DPYD: variants seen among roughly 807,000 people sequenced by gnomAD.
DPYD encodes the protein dihydropyrimidine dehydrogenase [NADP(+)].
A neutral mutation model predicts 116.2 loss-of-function variants in DPYD; 109 were observed. The observed-to-expected ratio is 0.94, with a 90% CI of 0.80 to 1.10. DPYD has a LOEUF of 1.10. DPYD is among the 50% of genes least tolerant of loss of function. DPYD has a pLI of 0.00. For missense variants in DPYD, 1,302 were observed against 1,254.5 expected (o/e 1.04, Z -0.57); for synonymous variants, 440 against 432.0 (o/e 1.02, Z -0.23).
At chr1:97,443,064 A>T (rs1215444911) in intron 14 of DPYD, among the ~76,000 whole-genome samples, 1 of 152,174 alleles carries the variant, frequency 6.6e-6, no homozygotes, top group East Asian at 1.9e-4. Flanking sequence ...GTGTCATAAA[A>T]AGCAAGTCAG....
Position 97,920,995 on chromosome 1 carries a change from A to G in DPYD, c.-73T>C, listed in dbSNP as rs1005510651. The G allele has an allele frequency of 2.5e-5, 38 of 1,537,098 alleles. No homozygotes were observed. Among genetic ancestry groups the G allele is most frequent in the African/African-American group, 9.6e-5 (7 of 72,576 alleles). On this transcript the variant is annotated 5_prime_UTR_variant, in exon 1 of 23. Transcript: ENST00000370192. ...TCCTCAAGCTCCAGCCAGAGAGCCA[A>G]GTGACAGCAGCCGGAGCGCGAGTCG...
chr1:97,372,744 G>GA (rs888763805), intron 16 of DPYD, among the ~76,000 whole-genome samples: 44 of 144,204 alleles, frequency 3.1e-4, no homozygotes, highest in East Asian at 8.0e-4. Flanking sequence ...TGACTTGAGA[G>GA]AAAAAAAAAA....
At chr1:97,373,142 T>C (rs1570612648) in intron 16 of DPYD, among the ~76,000 whole-genome samples, 1 of 152,314 alleles carries the variant, frequency 6.6e-6, no homozygotes, top group South Asian at 2.1e-4. Flanking sequence ...GATCGTATGC[T>C]AAAAAATGTA....
Position 97,594,137 on chromosome 1 carries a change from C to G in DPYD, c.959-750G>C, listed in dbSNP as rs116761260. 7.4e-3 allele frequency among the ~76,000 whole-genome samples: 1,130 copies of G among 152,192 alleles called. 10 individuals carry two copies. The highest frequency in any genetic ancestry group is 0.026 in the African/African-American group (1,065 of 41,540). On this transcript the variant is annotated intron_variant, in intron 9 of 22. Transcript: ENST00000370192. ...CAGTGTATAATAAGATTAAATAAAA[C>G]TGTTTATAAGATCAATTACTATAAT...
intron 13 of DPYD, among the ~76,000 whole-genome samples, chr1:97,459,675 G>T (rs1347868931): frequency 6.6e-6 from 1 of 151,768 alleles, no homozygotes; most frequent in African/African-American, 2.4e-5. Context: ...ATAACTCAAG[G>T]ATAAAGAAAA....
chr1:97,410,182 T>C (rs947917736), intron 14 of DPYD, among the ~76,000 whole-genome samples: 2 of 152,128 alleles, frequency 1.3e-5, no homozygotes, highest in Admixed American at 6.5e-5. Context: ...TTTAATATAT[T>C]TATTGTCTTT....
chr1:97,206,978 G>T (rs183384228), intron 19 of DPYD, among the ~76,000 whole-genome samples: 2 of 151,558 alleles, frequency 1.3e-5, no homozygotes, highest in Admixed American at 1.3e-4. Context: ...CTAAATAACT[G>T]CACAATAGGT....
intron 20 of DPYD, among the ~76,000 whole-genome samples, chr1:97,117,383 T>C (rs1179258453): frequency 2.0e-5 from 3 of 152,204 alleles, no homozygotes; most frequent in East Asian, 3.8e-4. Flanking sequence ...TTCAGAACCA[T>C]ATGCTAAAGC....
At chr1:97,180,206 T>C (rs990698106) in intron 20 of DPYD, among the ~76,000 whole-genome samples, 1 of 152,122 alleles carries the variant, frequency 6.6e-6, no homozygotes, top group African/African-American at 2.4e-5. Context: ...TGAGGACAAA[T>C]TGGCATAAAG....
intron 19 of DPYD, among the ~76,000 whole-genome samples, chr1:97,199,780 A>ACAT (rs1659079654): frequency 6.6e-6 from 1 of 152,162 alleles, no homozygotes; most frequent in Admixed American, 6.6e-5. Flanking sequence ...GAGGATGATA[A>ACAT]CATCTTATTG....
chr1:97,796,004 T>C (rs1444503701), intron 3 of DPYD, among the ~76,000 whole-genome samples: 1 of 152,186 alleles, frequency 6.6e-6, no homozygotes, highest in Non-Finnish European at 1.5e-5. Context: ...ATGATGGTAA[T>C]AGCTTAAAAC....
chr1:97,862,630 A>G (rs1671176512), intron 2 of DPYD, among the ~76,000 whole-genome samples: 1 of 151,956 alleles, frequency 6.6e-6, no homozygotes, highest in Non-Finnish European at 1.5e-5. Context: ...ACTGTGTGAT[A>G]TGACTTGTTC....
At chr1:97,841,149 AAATGCTGC>A (rs1393639287) in intron 2 of DPYD, among the ~76,000 whole-genome samples, 3 of 152,146 alleles carry the variant, frequency 2.0e-5, no homozygotes, top group African/African-American at 7.2e-5. Flanking sequence ...TACATGACCA[AAATGCTGC>A]AATGAAAATG....
chr1:97,751,235 T>C (rs1343724583), intron 3 of DPYD, among the ~76,000 whole-genome samples: 1 of 150,896 alleles, frequency 6.6e-6, no homozygotes, highest in African/African-American at 2.4e-5. Context: ...TAGAAGAGGA[T>C]GACTTAATAT....
rs79525473 is a variant in DPYD, at chr1:97,453,839, T to C, written c.1741-3616A>G. 3.7e-4 allele frequency among the ~76,000 whole-genome samples: 56 copies of C among 152,200 alleles called. No individual in the cohort carries two copies. The East Asian group carries it at 5.4e-3, about 15-fold the overall frequency. On this transcript the variant is annotated intron_variant, in intron 13 of 22. Transcript: ENST00000370192. Reference sequence around the variant, plus strand: ...TGAATGATCTCCTTAATCAAGATAATGAACAGGAAGTACAAACCAAATCAA... The same window carrying C: ...TGAATGATCTCCTTAATCAAGATAACGAACAGGAAGTACAAACCAAATCAA...
In DPYD at chr1:97,781,230, G is replaced by C. The variant is rs1278953254; in HGVS notation, c.234-40751C>G. Among the ~76,000 whole-genome samples the C allele has an allele frequency of 2.0e-5, 3 of 152,168 alleles. No individual in the cohort carries two copies. The East Asian group carries it at 5.8e-4, about 29-fold the overall frequency. On this transcript the variant is annotated intron_variant, in intron 3 of 22. Coordinates refer to ENST00000370192, the MANE Select transcript of DPYD (RefSeq NM_000110.4). Reference sequence around the variant, plus strand: ...TAAACATTTTGAGGAAATATTCATTGTAAATGTATACAAAAGTAAAAACTA... The same window carrying C: ...TAAACATTTTGAGGAAATATTCATTCTAAATGTATACAAAAGTAAAAACTA...
At chr1:97,293,366 T>C (rs1237307690) in intron 18 of DPYD, among the ~76,000 whole-genome samples, 1 of 152,206 alleles carries the variant, frequency 6.6e-6, no homozygotes, top group Non-Finnish European at 1.5e-5. Context: ...GTGTACAGTA[T>C]GAAGAGTCAG....
chr1:97,354,141 T>C (rs1044287095), intron 16 of DPYD, among the ~76,000 whole-genome samples: 1 of 152,234 alleles, frequency 6.6e-6, no homozygotes, highest in African/African-American at 2.4e-5. Context: ...GTGTCAGGTG[T>C]TGTACCTGCT....
chr1:97,608,273 C>T (rs1314251932), intron 8 of DPYD, among the ~76,000 whole-genome samples: 1 of 152,024 alleles, frequency 6.6e-6, no homozygotes, highest in Non-Finnish European at 1.5e-5. Flanking sequence ...AGGGACATAA[C>T]TTAATTTGTG....
Sources: allele counts gnomAD v4.1 joint callset (sites outside exome capture counted in the v4.1 genomes callset), GRCh38; gene constraint gnomAD v4.1.1; transcripts MANE v1.5; gene names NCBI Gene and HGNC (gene_info 2026-07-23, HGNC 2026-07-21).